The following PTPRC variants were observed in gnomAD, a reference collection of about 807,000 sequenced individuals.
PTPRC encodes the protein receptor-type tyrosine-protein phosphatase C.
A neutral mutation model predicts 155.9 loss-of-function variants in PTPRC; 44 were observed. The observed-to-expected ratio is 0.28, with a 90% CI of 0.22 to 0.36. The LOEUF is 0.36. PTPRC is among the 10% of genes least tolerant of loss of function. The probability of loss-of-function intolerance (pLI) is 1.00; values close to 1 mark genes in which losing one functional copy is unlikely to be tolerated. For synonymous variants in PTPRC, 525 were observed against 533.1 expected, an observed-to-expected ratio of 0.98 and a Z score of 0.21; for missense variants, 1,401 against 1,564.6, an observed-to-expected ratio of 0.90 and a Z score of 1.76.
At chr1:198,658,088 A>G (rs982243619) in intron 2 of PTPRC, among the ~76,000 whole-genome samples, 5 of 152,162 alleles carry the variant, frequency 3.3e-5, no homozygotes, top group Non-Finnish European at 5.9e-5. Context: ...GGTCTGTCTC[A>G]TTGGAATACC....
chr1:198,668,724 G>T (rs7522020), intron 2 of PTPRC, among the ~76,000 whole-genome samples: 37,126 of 152,122 alleles, frequency 0.24, 5,579 homozygotes, highest in Non-Finnish European at 0.35. Flanking sequence ...GGTAGGTTCT[G>T]TATAAGGAAA....
intron 25 of PTPRC, among the ~76,000 whole-genome samples, chr1:198,743,259 C>A (rs1654994525): frequency 6.6e-6 from 1 of 151,254 alleles, no homozygotes; most frequent in Admixed American, 6.6e-5. Context: ...CAGATGAAAA[C>A]AATGAGTGAG....
At chr1:198,667,967 G>T (rs552849086) in intron 2 of PTPRC, among the ~76,000 whole-genome samples, 27 of 152,350 alleles carry the variant, frequency 1.8e-4, no homozygotes, top group African/African-American at 6.3e-4. Context: ...TTAGAAAATT[G>T]CATGTGTTAG....
chr1:198,679,937 C>T (rs902938719), intron 2 of PTPRC: 8 of 614,384 alleles, frequency 1.3e-5, no homozygotes, highest in Middle Eastern at 4.3e-4. Flanking sequence ...TTGCCCAGCT[C>T]GTCCACCGTC....
chr1:198,746,546 C>T (rs908470237), intron 26 of PTPRC, among the ~76,000 whole-genome samples: 2 of 151,382 alleles, frequency 1.3e-5, no homozygotes, highest in African/African-American at 4.9e-5. Context: ...AGACGATGGG[C>T]ATCAGAGGGC....
intron 12 of PTPRC, among the ~76,000 whole-genome samples, chr1:198,715,867 A>G (rs967276696): frequency 6.6e-6 from 1 of 152,090 alleles, no homozygotes; most frequent in African/African-American, 2.4e-5. Flanking sequence ...ACATGTTGCC[A>G]CTCTAATCAT....
chr1:198,663,132 A>C (rs185441735), intron 2 of PTPRC, among the ~76,000 whole-genome samples: 3 of 152,334 alleles, frequency 2.0e-5, no homozygotes, highest in Admixed American at 6.5e-5. Flanking sequence ...ATCTCCCTGC[A>C]CAATTGCACT....
chr1:198,754,542 T>C, intron 32 of PTPRC, 138 bp downstream of exon 32: 1 of 1,041,580 alleles, frequency 9.6e-7, no homozygotes, highest in Non-Finnish European at 1.4e-6. Context: ...CTATTTTCTT[T>C]CCTATTCTTT....
At chr1:198,641,538 A>C (rs150106807) in intron 2 of PTPRC, among the ~76,000 whole-genome samples, 1 of 152,176 alleles carries the variant, frequency 6.6e-6, no homozygotes, top group Non-Finnish European at 1.5e-5. Context: ...GGCCAAAGTT[A>C]ATCTTTGCCA....
chr1:198,678,582 G>A (rs973131903), intron 2 of PTPRC, among the ~76,000 whole-genome samples: 3 of 152,122 alleles, frequency 2.0e-5, no homozygotes, highest in Non-Finnish European at 4.4e-5. Flanking sequence ...GCACCAGAGC[G>A]AGATACTGAC....
At chr1:198,746,932 G>T (rs1655160067) in intron 26 of PTPRC, among the ~76,000 whole-genome samples, 1 of 151,730 alleles carries the variant, frequency 6.6e-6, no homozygotes, top group Admixed American at 6.6e-5. Context: ...AAAGAATGAG[G>T]TTTGAAACAG....
At chr1:198,710,132 G>T (rs1404472770) in intron 11 of PTPRC, among the ~76,000 whole-genome samples, 2 of 152,150 alleles carry the variant, frequency 1.3e-5, no homozygotes, top group Non-Finnish European at 2.9e-5. Flanking sequence ...TATATGGTGT[G>T]AGGTAACAGT....
At chr1:198,679,944 C>T (rs1197928929) in intron 2 of PTPRC, 4 of 623,390 alleles carry the variant, frequency 6.4e-6, no homozygotes, top group Admixed American at 5.0e-5. Flanking sequence ...GCTCGTCCAC[C>T]GTCGCCCTGG....
Position 198,712,980 on chromosome 1 carries a change from G to A in PTPRC, c.1199G>A (p.Cys400Tyr). The change falls in exon 12 of 33, where the codon TGT becomes TAT. Residue 400 changes from cysteine to tyrosine, a missense_variant. Coordinates refer to ENST00000442510, the MANE Select transcript of PTPRC (RefSeq NM_002838.5). ...GSPGEPQIIF[C>Y]RSEAAHQGVI... ...CCAGGAGAGCCTCAGATTATTTTTT[G>A]TAGAAGTGAAGCTGCACATCAAGGA... 6.2e-7 allele frequency: 1 copy of A among 1,613,390 alleles called. No homozygotes were observed. Among genetic ancestry groups the A allele is most frequent in the Non-Finnish European group, 8.5e-7 (1 of 1,179,522 alleles).
chr1:198,665,224 G>T (rs1345497386), intron 2 of PTPRC, among the ~76,000 whole-genome samples: 1 of 151,100 alleles, frequency 6.6e-6, no homozygotes, highest in African/African-American at 2.4e-5. Flanking sequence ...CGAGTAGGGG[G>T]GACTACAGGC....
intron 2 of PTPRC, among the ~76,000 whole-genome samples, chr1:198,683,151 G>A (rs776240893): frequency 2.6e-5 from 4 of 152,132 alleles, no homozygotes; most frequent in Non-Finnish European, 5.9e-5. Context: ...GTGAAAAGAA[G>A]AGAATACCAT....
intron 9 of PTPRC, 81 bp from the exon 10 acceptor site, chr1:198,708,052 C>T: frequency 1.5e-6 from 2 of 1,352,564 alleles, no homozygotes; most frequent in African/African-American, 1.4e-5. Flanking sequence ...GTGGCTTTAA[C>T]TGACATGTTA....
intron 3 of PTPRC, chr1:198,692,891 A>C: frequency 1.9e-5 from 17 of 893,822 alleles, no homozygotes; most frequent in Non-Finnish European, 2.3e-5. Context: ...AATAGTCCTT[A>C]TAAATGTCTT....
At chr1:198,695,923 A>C (rs1241717740) in intron 3 of PTPRC, among the ~76,000 whole-genome samples, 1 of 152,074 alleles carries the variant, frequency 6.6e-6, no homozygotes, top group Non-Finnish European at 1.5e-5. Flanking sequence ...GCACTTTGGG[A>C]GGCCGAGGCG....
Sources: gnomAD v4.1 joint callset for allele counts (sites outside exome capture counted in the v4.1 genomes callset) on GRCh38, gnomAD v4.1.1 for gene constraint, MANE v1.5 for transcripts, NCBI Gene and HGNC (gene_info 2026-07-23, HGNC 2026-07-21) for gene names.